MET: variants seen among roughly 807,000 people sequenced by gnomAD.
MET encodes MET proto-oncogene, receptor tyrosine kinase, also known as hepatocyte growth factor receptor.
A neutral mutation model predicts 133.1 loss-of-function variants in MET; 48 were observed. The ratio of observed to expected loss-of-function variants is 0.36; its 90% CI spans 0.29 to 0.46. The LOEUF (loss-of-function observed/expected upper bound fraction) is 0.46, where lower values mean the gene tolerates loss of function less well. MET is among the 20% of genes least tolerant of loss of function. The pLI is 1.00. For missense variants in MET, 1,442 were observed against 1,695.9 expected, an observed-to-expected ratio of 0.85 and a Z score of 2.63; for synonymous variants, 628 against 616.5, an observed-to-expected ratio of 1.02 and a Z score of -0.28.
intron 14 of MET, 107 bp from the exon 15 acceptor site, chr7:116,774,771 TTTA>T: frequency 1.2e-6 from 1 of 828,794 alleles, no homozygotes; most frequent in Admixed American, 2.1e-5. Flanking sequence ...CTTTTCCCAA[TTTA>T]TTATCATTTT....
chr7:116,679,578 G>C (rs565520032), intron 1 of MET, among the ~76,000 whole-genome samples: 1 of 152,128 alleles, frequency 6.6e-6, no homozygotes, highest in Non-Finnish European at 1.5e-5. Flanking sequence ...AGGGCAGGTC[G>C]CTTGTATGTA....
At chr7:116,735,974 C>T (rs1238007014) in intron 3 of MET, among the ~76,000 whole-genome samples, 1 of 151,748 alleles carries the variant, frequency 6.6e-6, no homozygotes, top group East Asian at 1.9e-4. Context: ...ACGGGTTTTT[C>T]GCCATGTTGG....
chr7:116,773,705 T>C (rs1174171134), intron 14 of MET, among the ~76,000 whole-genome samples: 1 of 152,186 alleles, frequency 6.6e-6, no homozygotes, highest in African/African-American at 2.4e-5. Flanking sequence ...CTTTAAAGGT[T>C]GCTCTTGTCT....
At chr7:116,752,470 T>G (rs1793960846) in intron 5 of MET, among the ~76,000 whole-genome samples, 1 of 152,076 alleles carries the variant, frequency 6.6e-6, no homozygotes, top group African/African-American at 2.4e-5. Context: ...GCCCACAGAG[T>G]TTCTCTGCCC....
intron 10 of MET, among the ~76,000 whole-genome samples, chr7:116,762,194 A>G (rs1193734746): frequency 1.3e-5 from 2 of 152,246 alleles, no homozygotes; most frequent in Admixed American, 1.3e-4. Flanking sequence ...AATAGAGAGC[A>G]TAGGAAAAGG....
intron 5 of MET, among the ~76,000 whole-genome samples, chr7:116,752,257 TTGTTTTTGTTTTTTAGTTTTCTCA>T (rs1562917790): frequency 1.3e-5 from 2 of 152,142 alleles, no homozygotes; most frequent in Non-Finnish European, 2.9e-5. Context: ...TTGTTCTGTT[TTGTTTTTGTTTTTTAGTTTTCTCA>T]TGTTTTATCC....
intron 3 of MET, among the ~76,000 whole-genome samples, chr7:116,737,220 C>T (rs1165121714): frequency 6.6e-6 from 1 of 152,222 alleles, no homozygotes; most frequent in South Asian, 2.1e-4. Flanking sequence ...GCAAGCAACA[C>T]TCATGCTAAC....
intron 19 of MET, among the ~76,000 whole-genome samples, chr7:116,791,368 G>T (rs530731430): frequency 2.6e-5 from 4 of 152,046 alleles, no homozygotes; most frequent in African/African-American, 4.8e-5. Context: ...ACTTGACATT[G>T]TCAGCTTTCT....
intron 17 of MET, 79 bp downstream of exon 17, chr7:116,779,036 C>A (rs2117049511): frequency 1.4e-6 from 2 of 1,407,588 alleles, no homozygotes; most frequent in South Asian, 1.2e-5. Flanking sequence ...TGCTCTGAGT[C>A]TTTAAAAAGC....
chr7:116,784,683 C>T (rs1795257384), intron 19 of MET, among the ~76,000 whole-genome samples: 1 of 152,136 alleles, frequency 6.6e-6, no homozygotes, highest in Admixed American at 6.5e-5. Flanking sequence ...TTGGGGATTA[C>T]AATTTTACAT....
At chr7:116,676,631 T>C (rs551605356) in intron 1 of MET, among the ~76,000 whole-genome samples, 1 of 151,060 alleles carries the variant, frequency 6.6e-6, no homozygotes, top group African/African-American at 2.4e-5. Flanking sequence ...TAAGAGAGAG[T>C]GGGATGGTGA....
chr7:116,739,786 T>C (rs1054944377), intron 3 of MET, among the ~76,000 whole-genome samples, 164 bp from the exon 4 acceptor site: 1 of 152,202 alleles, frequency 6.6e-6, no homozygotes, highest in Non-Finnish European at 1.5e-5. Context: ...AGGCAAGAGA[T>C]TAGAAGATGA....
chr7:116,716,649 G>C (rs1449945439), intron 2 of MET, among the ~76,000 whole-genome samples: 1 of 152,220 alleles, frequency 6.6e-6, no homozygotes, highest in African/African-American at 2.4e-5. Flanking sequence ...AATCAGTTTG[G>C]AGAGAAAAGT....
intron 17 of MET, among the ~76,000 whole-genome samples, chr7:116,780,400 A>G (rs954212754): frequency 6.6e-6 from 1 of 152,156 alleles, no homozygotes; most frequent in African/African-American, 2.4e-5. Flanking sequence ...CAAAAGAATA[A>G]AACATTCCCT....
intron 11 of MET, among the ~76,000 whole-genome samples, chr7:116,763,495 C>A (rs552207024): frequency 6.6e-6 from 1 of 152,278 alleles, no homozygotes; most frequent in South Asian, 2.1e-4. Flanking sequence ...TGTATTAAAA[C>A]GTAGCAAATG....
At chr7:116,697,048 G>A (rs779675074) in intron 1 of MET, among the ~76,000 whole-genome samples, 8 of 152,166 alleles carry the variant, frequency 5.3e-5, no homozygotes, top group Non-Finnish European at 1.0e-4. Flanking sequence ...CATCCTTATA[G>A]GAGAATATGC....
At chr7:116,716,272 GGAGGGAGA>G (rs1286855905) in intron 2 of MET, among the ~76,000 whole-genome samples, 3 of 102,736 alleles carry the variant, frequency 2.9e-5, no homozygotes, top group African/African-American at 1.2e-4. Context: ...CAAGAGGGAA[GGAGGGAGA>G]GAGGGAGAGA....
At chr7:116,790,465 A>T (rs775629036) in intron 19 of MET, among the ~76,000 whole-genome samples, 2 of 152,224 alleles carry the variant, frequency 1.3e-5, no homozygotes, top group Non-Finnish European at 2.9e-5. Flanking sequence ...AGGCAGAATA[A>T]TATTCCATTG....
At chr7:116,773,820 A>T (rs2117019039) in intron 14 of MET, among the ~76,000 whole-genome samples, 1 of 152,336 alleles carries the variant, frequency 6.6e-6, no homozygotes, top group East Asian at 1.9e-4. Context: ...CCACTGTAGA[A>T]AATACTAAAA....
Sources: allele counts gnomAD v4.1 joint callset (sites outside exome capture counted in the v4.1 genomes callset), GRCh38; gene constraint gnomAD v4.1.1; transcripts MANE v1.5; gene names NCBI Gene and HGNC (gene_info 2026-07-23, HGNC 2026-07-21).